SPATS2: variants seen among roughly 807,000 people sequenced by gnomAD.
SPATS2 encodes spermatogenesis associated serine rich 2.
A neutral mutation model predicts 63.7 loss-of-function variants in SPATS2; 38 were observed. That is an observed-to-expected ratio of 0.60 (90% CI 0.46 to 0.78). The LOEUF is 0.78. SPATS2 is among the 30% of genes least tolerant of loss of function. The probability of loss-of-function intolerance (pLI) is 0.00; values close to 1 mark genes in which losing one functional copy is unlikely to be tolerated. For missense variants in SPATS2, 588 were observed against 666.2 expected (o/e 0.88, Z 1.29); for synonymous variants, 207 against 232.9 (o/e 0.89, Z 1.01).
intron 4 of SPATS2, among the ~76,000 whole-genome samples, 197 bp downstream of exon 4, chr12:49,484,866 C>T (rs1946263015): frequency 6.6e-6 from 1 of 152,124 alleles, no homozygotes; most frequent in Non-Finnish European, 1.5e-5. Context: ...TAAATGCAAA[C>T]ATTTTCTTTG....
intron 2 of SPATS2, among the ~76,000 whole-genome samples, chr12:49,377,310 T>C (rs1944124695): frequency 6.6e-6 from 1 of 152,208 alleles, no homozygotes; most frequent in Non-Finnish European, 1.5e-5. Context: ...TATGATATTA[T>C]TGTAATTTGG....
intron 2 of SPATS2, among the ~76,000 whole-genome samples, chr12:49,446,145 C>G (rs1176693418): frequency 1.3e-5 from 2 of 152,172 alleles, no homozygotes; most frequent in African/African-American, 4.8e-5. Flanking sequence ...CTCAGGTGAT[C>G]TGCCCGCCTT....
At chr12:49,508,537 G>C (rs1392450996) in intron 9 of SPATS2, among the ~76,000 whole-genome samples, 1 of 152,068 alleles carries the variant, frequency 6.6e-6, no homozygotes, top group Non-Finnish European at 1.5e-5. Flanking sequence ...TTTCAAATGA[G>C]GATCTGGTCA....
chr12:49,448,292 C>T (rs935510787), intron 2 of SPATS2, among the ~76,000 whole-genome samples: 1 of 151,686 alleles, frequency 6.6e-6, no homozygotes, highest in Non-Finnish European at 1.5e-5. Flanking sequence ...CACCCGCCAC[C>T]ATGCCCGGCT....
At chr12:49,405,790 CAAAT>C (rs964980737) in intron 2 of SPATS2, among the ~76,000 whole-genome samples, 3 of 152,130 alleles carry the variant, frequency 2.0e-5, no homozygotes, top group East Asian at 1.9e-4. Context: ...AGGGCGAGTC[CAAAT>C]AAATGTTTAT....
chr12:49,431,227 C>T (rs570434966), intron 2 of SPATS2, among the ~76,000 whole-genome samples: 5 of 152,042 alleles, frequency 3.3e-5, no homozygotes, highest in Admixed American at 2.6e-4. Flanking sequence ...CCATCATATT[C>T]ACTTAATAAA....
At chr12:49,469,914 A>G (rs1014326430) in intron 3 of SPATS2, among the ~76,000 whole-genome samples, 2 of 152,012 alleles carry the variant, frequency 1.3e-5, no homozygotes, top group African/African-American at 4.8e-5. Flanking sequence ...AAAAACATGC[A>G]ACTCAACACT....
At chr12:49,368,247 T>G (rs918562766) in intron 1 of SPATS2, among the ~76,000 whole-genome samples, 42 of 152,224 alleles carry the variant, frequency 2.8e-4, no homozygotes, top group African/African-American at 9.9e-4. Context: ...GTCCCTCTGT[T>G]AAGGAGTACA....
Position 49,498,790 on chromosome 12 carries a change from A to ATTT in SPATS2, c.704-1262_704-1260dup, listed in dbSNP as rs147335434. Among the ~76,000 whole-genome samples, 678 of 95,028 alleles carry ATTT rather than the reference A, an allele frequency of 7.1e-3. 16 individuals are homozygous for ATTT. Among genetic ancestry groups the ATTT allele is most frequent in the African/African-American group, 0.024 (616 of 25,720 alleles). The allele number at this position is 95,028 out of a possible 152,430, so 62.3% of individuals were successfully genotyped here. On this transcript the variant is annotated intron_variant, in intron 8 of 13. Coordinates refer to ENST00000552918, the MANE Select transcript of SPATS2 (RefSeq NM_023071.4). The stretch of plus-strand genomic sequence containing the variant: ...CTACCTTCTTGAACATATGGTATCT[A>ATTT]TTTTTTTTTTTTTTTTTTTTGAGAT...
intron 2 of SPATS2, among the ~76,000 whole-genome samples, chr12:49,421,441 A>C (rs962942983): frequency 1.3e-4 from 20 of 151,042 alleles, no homozygotes; most frequent in Admixed American, 1.1e-3. Flanking sequence ...AAAAAAAAAA[A>C]AACAACCTTT....
chr12:49,396,437 G>A (rs1182720634), intron 2 of SPATS2, among the ~76,000 whole-genome samples: 1 of 152,216 alleles, frequency 6.6e-6, no homozygotes, highest in Non-Finnish European at 1.5e-5. Flanking sequence ...CTGTGTATGT[G>A]TGTGTATTTT....
rs185040855 is a variant in SPATS2, at chr12:49,469,748, C to T, written c.25+8711C>T. ...TCTGTTAAAATACAAATTAGCTGAG[C>T]GTGGTGCTGCACGCCTGTAATCCCA... On this transcript the variant is annotated intron_variant, in intron 3 of 13. Transcript: ENST00000552918. Among the ~76,000 whole-genome samples, 7 of 151,296 alleles carry T rather than the reference C, an allele frequency of 4.6e-5. No homozygotes were observed. The South Asian group carries it at 1.0e-3, about 23-fold the overall frequency.
intron 4 of SPATS2, chr12:49,486,479 A>T: frequency 3.7e-6 from 1 of 272,006 alleles, no homozygotes; most frequent in South Asian, 3.3e-5. Context: ...GATTACAGGC[A>T]TGAGCCACCG....
chr12:49,463,631 A>G (rs536355479), intron 3 of SPATS2: 5 of 152,332 alleles, frequency 3.3e-5, no homozygotes, highest in African/African-American at 1.2e-4. Context: ...ATTCATTTAT[A>G]CGTTTAAAGT....
chr12:49,496,864 T>A lies in SPATS2; in HGVS notation c.558T>A (p.Phe186Leu). 1 of 1,614,164 alleles carries A rather than the reference T, an allele frequency of 6.2e-7. No individual in the cohort carries two copies. The highest frequency in any genetic ancestry group is 1.1e-5 in the South Asian group (1 of 91,072). The change falls in exon 8 of 14, where the codon TTT becomes TTA. Residue 186 changes from phenylalanine to leucine, a missense_variant. By Grantham distance (22) the Phe-to-Leu change is conservative (BLOSUM62 0). Coordinates refer to ENST00000552918, the MANE Select transcript of SPATS2 (RefSeq NM_023071.4). ...TGCTGCAGAATGGTGTCTCTGATTT[T>A]GAGACCAAGTCTTTGACTATGCACT... Reference protein sequence around the residue: ...GSMLQNGVSDFETKSLTMHSI... With the variant: ...GSMLQNGVSDLETKSLTMHSI...
chr12:49,523,486 G>C (rs987960606), intron 12 of SPATS2, among the ~76,000 whole-genome samples: 6 of 151,800 alleles, frequency 4.0e-5, no homozygotes, highest in Non-Finnish European at 8.8e-5. Context: ...GAGCAAGACT[G>C]TGTCTCTAAA....
chr12:49,489,478 G>A lies in SPATS2; in HGVS notation c.119G>A (p.Arg40His), dbSNP rs763815044. The change falls in exon 5 of 14, where the codon CGT becomes CAT. Residue 40 changes from arginine to histidine, a missense_variant. Coordinates refer to ENST00000552918, the MANE Select transcript of SPATS2 (RefSeq NM_023071.4). ...CATCTTTTCCAGATAAATGCGGTACGTGCAATAGTTCCTAATAAGAGCAAC... is the reference window on the plus strand; with the variant it reads ...CATCTTTTCCAGATAAATGCGGTACATGCAATAGTTCCTAATAAGAGCAAC... Reference protein sequence around the residue: ...ENMKEKINAVRAIVPNKSNNE... With the variant: ...ENMKEKINAVHAIVPNKSNNE... The A allele has an allele frequency of 1.9e-6, 3 of 1,613,564 alleles. No individual in the cohort carries two copies. The highest frequency in any genetic ancestry group is 1.1e-5 in the South Asian group (1 of 91,028).
rs565660263 is a variant in SPATS2, at chr12:49,416,742, C to A, written c.-243-44028C>A. 6.6e-5 allele frequency among the ~76,000 whole-genome samples: 10 copies of A among 152,268 alleles called. No homozygotes were observed. In the South Asian group the frequency reaches 8.3e-4, roughly 13 times the overall value. The stretch of plus-strand genomic sequence containing the variant: ...TCAAATGATTTGCCCACCTCAGCTT[C>A]CCAAAGTGTTGGGATTACAGGCGTG... On this transcript the variant is annotated intron_variant, in intron 2 of 13. Transcript: ENST00000552918.
intron 2 of SPATS2, among the ~76,000 whole-genome samples, chr12:49,427,083 C>G (rs973323050): frequency 6.6e-6 from 1 of 151,974 alleles, no homozygotes; most frequent in Non-Finnish European, 1.5e-5. Flanking sequence ...TTTTATACTC[C>G]CACTAGCAAT....
Sources: gnomAD v4.1 joint callset for allele counts (sites outside exome capture counted in the v4.1 genomes callset) on GRCh38, gnomAD v4.1.1 for gene constraint, MANE v1.5 for transcripts, NCBI Gene and HGNC (gene_info 2026-07-23, HGNC 2026-07-21) for gene names.